Variants in CNTN4 observed in about 807,000 individuals in gnomAD.
The protein encoded by CNTN4 is contactin 4, also known as contactin-4.
Under a neutral mutation model 122.5 loss-of-function variants are expected in CNTN4, and 77 were observed. The ratio of observed to expected loss-of-function variants is 0.63; its 90% CI spans 0.52 to 0.76. The LOEUF is 0.76. Among genes scored for constraint, CNTN4 ranks in the 30% least tolerant of loss-of-function variants. The pLI is 0.00. For missense variants in CNTN4, 1,256 were observed against 1,259.1 expected (o/e 1.00, Z 0.04); for synonymous variants, 512 against 447.0 (o/e 1.15, Z -1.83).
At chr3:2,826,903 A>G (rs1305204011) in intron 7 of CNTN4, among the ~76,000 whole-genome samples, 1 of 152,172 alleles carries the variant, frequency 6.6e-6, no homozygotes. Context: ...ATATAATTTT[A>G]GATTTTCAGC....
intron 8 of CNTN4, among the ~76,000 whole-genome samples, chr3:2,868,849 G>A (rs1484299907): frequency 6.6e-6 from 1 of 152,044 alleles, no homozygotes; most frequent in Admixed American, 6.6e-5. Context: ...TGGTGGGTTT[G>A]GGGGGTGGTG....
chr3:2,631,766 C>T (rs188482438), intron 4 of CNTN4, among the ~76,000 whole-genome samples: 28 of 150,256 alleles, frequency 1.9e-4, no homozygotes, highest in African/African-American at 6.6e-4. Flanking sequence ...TGATGACTCA[C>T]ACCTGTAATC....
chr3:2,669,640 G>A (rs2084384826), intron 4 of CNTN4, among the ~76,000 whole-genome samples: 1 of 152,146 alleles, frequency 6.6e-6, no homozygotes, highest in Admixed American at 6.5e-5. Context: ...GCTAGGTTTT[G>A]AATGTGTTTG....
intron 4 of CNTN4, among the ~76,000 whole-genome samples, chr3:2,581,823 A>G (rs1422643968): frequency 6.6e-6 from 1 of 152,256 alleles, no homozygotes; most frequent in Non-Finnish European, 1.5e-5. Flanking sequence ...AGCCATAAAA[A>G]GGAAGGAAGT....
intron 3 of CNTN4, among the ~76,000 whole-genome samples, chr3:2,459,116 C>T (rs1441267614): frequency 6.6e-6 from 1 of 152,120 alleles, no homozygotes; most frequent in Non-Finnish European, 1.5e-5. Flanking sequence ...ATACCTAAGG[C>T]AAGTGGCTTG....
At chr3:2,290,217 G>A (rs577032729) in intron 2 of CNTN4, among the ~76,000 whole-genome samples, 1 of 152,250 alleles carries the variant, frequency 6.6e-6, no homozygotes, top group South Asian at 2.1e-4. Flanking sequence ...AGAGACAAGC[G>A]TTAGAATTGT....
intron 13 of CNTN4, among the ~76,000 whole-genome samples, chr3:2,935,576 C>G (rs991067810): frequency 6.6e-6 from 1 of 152,142 alleles, no homozygotes; most frequent in African/African-American, 2.4e-5. Context: ...ACGTATCTCC[C>G]TGGTACAAGA....
chr3:2,734,010 G>A (rs919278099), intron 4 of CNTN4, among the ~76,000 whole-genome samples: 2 of 152,118 alleles, frequency 1.3e-5, no homozygotes, highest in African/African-American at 2.4e-5. Flanking sequence ...GTAGGTACAT[G>A]TGTGTTTATG....
rs58689752 is a variant in CNTN4, at chr3:2,957,425, T to A, written c.1359-30920T>A. On this transcript the variant is annotated intron_variant, in intron 13 of 24. Coordinates refer to ENST00000418658, the MANE Select transcript of CNTN4 (RefSeq NM_175607.3). ...ACCTTTTCATATGCCTTTGGCCATT[T>A]ACATGTCTTCTTTTTTTATTTCAAC... Among the ~76,000 whole-genome samples, 819 of 152,312 alleles carry A rather than the reference T, an allele frequency of 5.4e-3. 6 individuals are homozygous for A. The highest frequency in any genetic ancestry group is 0.018 in the African/African-American group (768 of 41,572).
At chr3:2,130,212 T>G (rs1022803751) in intron 2 of CNTN4, among the ~76,000 whole-genome samples, 3 of 152,138 alleles carry the variant, frequency 2.0e-5, no homozygotes, top group African/African-American at 4.8e-5. Flanking sequence ...AGTCTCAGGA[T>G]TTTTCTTCTG....
intron 3 of CNTN4, among the ~76,000 whole-genome samples, chr3:2,568,317 GAAAAA>G (rs770465722): frequency 2.8e-5 from 2 of 71,034 alleles, no homozygotes; most frequent in African/African-American, 1.0e-4. Context: ...GCAAGAATGT[GAAAAA>G]AAAAAAAAAA....
rs572676654 is a variant in CNTN4, at chr3:3,057,041, A to G, written c.*821A>G. The G allele has an allele frequency of 3.9e-5, 6 of 152,752 alleles. No individual in the cohort carries two copies. The highest frequency in any genetic ancestry group is 4.1e-4 in the South Asian group (2 of 4,832). The allele number at this position is 152,752 out of a possible 1,614,324, so 9.5% of individuals were successfully genotyped here. ...AGACATTAAATTTGAAGTAACATATATCCTGTAGTAACATAGACCCAAAGT... is the reference window on the plus strand; with the variant it reads ...AGACATTAAATTTGAAGTAACATATGTCCTGTAGTAACATAGACCCAAAGT... On this transcript the variant is annotated 3_prime_UTR_variant, in exon 25 of 25. Coordinates refer to ENST00000418658, the MANE Select transcript of CNTN4 (RefSeq NM_175607.3).
chr3:2,389,265 GC>G, intron 3 of CNTN4, among the ~76,000 whole-genome samples: 1 of 109,402 alleles, frequency 9.1e-6, no homozygotes, highest in African/African-American at 3.0e-5. Context: ...TCTTCACGTG[GC>G]TGCAGCCTTC....
At chr3:2,209,928 A>T (rs968813728) in intron 2 of CNTN4, among the ~76,000 whole-genome samples, 1 of 151,954 alleles carries the variant, frequency 6.6e-6, no homozygotes, top group African/African-American at 2.4e-5. Context: ...ATGAGTAAAA[A>T]ACTTTCCATA....
intron 2 of CNTN4, among the ~76,000 whole-genome samples, chr3:2,251,207 A>G (rs187792085): frequency 5.3e-5 from 8 of 152,030 alleles, no homozygotes; most frequent in East Asian, 3.9e-4. Flanking sequence ...AATAGCATCA[A>G]TTAACATTTG....
chr3:2,286,881 G>A (rs960434443), intron 2 of CNTN4, among the ~76,000 whole-genome samples: 1 of 152,146 alleles, frequency 6.6e-6, no homozygotes, highest in South Asian at 2.1e-4. Flanking sequence ...TTCAAGCATG[G>A]CATCATTATA....
chr3:2,268,259 G>T (rs2041135572), intron 2 of CNTN4, among the ~76,000 whole-genome samples: 1 of 152,024 alleles, frequency 6.6e-6, no homozygotes, highest in Non-Finnish European at 1.5e-5. Context: ...CCATTCTCAT[G>T]CTTTGACTTG....
intron 8 of CNTN4, among the ~76,000 whole-genome samples, chr3:2,871,991 A>G (rs2093790264): frequency 6.6e-6 from 1 of 152,114 alleles, no homozygotes; most frequent in Admixed American, 6.6e-5. Context: ...GAACCATGAG[A>G]GGGAGAAAGT....
intron 10 of CNTN4, among the ~76,000 whole-genome samples, chr3:2,893,490 G>A (rs1176193763): frequency 6.6e-6 from 1 of 152,152 alleles, no homozygotes; most frequent in Non-Finnish European, 1.5e-5. Flanking sequence ...CAATTCCCCT[G>A]TCACTTAAGA....
Sources: gnomAD v4.1 joint callset for allele counts (sites outside exome capture counted in the v4.1 genomes callset) on GRCh38, gnomAD v4.1.1 for gene constraint, MANE v1.5 for transcripts, NCBI Gene and HGNC (gene_info 2026-07-23, HGNC 2026-07-21) for gene names.